The following SGF29 variants were observed in gnomAD, a reference collection of about 807,000 sequenced individuals.
The protein encoded by SGF29 is SAGA-associated factor 29.
In SGF29, 15 loss-of-function variants were observed where a neutral mutation model predicts 38.1. That is an observed-to-expected ratio of 0.39 (90% CI 0.26 to 0.61). The LOEUF (loss-of-function observed/expected upper bound fraction) is 0.61. Ranked by LOEUF, SGF29 falls within the 20% of genes least tolerant of loss-of-function variation. SGF29 has a pLI of 0.49. For missense variants in SGF29, 184 were observed against 394.6 expected (o/e 0.47, Z 4.52); for synonymous variants, 151 against 160.8 (o/e 0.94, Z 0.46).
chr16:28,585,664 G>C lies in SGF29; in HGVS notation c.168G>C (p.Arg56=). The change falls in exon 4 of 10, where the codon CGG becomes CGC. Residue 56 remains arginine (R), a synonymous_variant. Transcript: ENST00000317058. ...CCTCTGCAGTTTCTCCCTATTACCG[G>C]ACAAAGCTGCGTGGCCTCTACACAA... is the stretch of plus-strand genomic sequence containing the variant. ...QTENKISPYY[R]TKLRGLYTTA... The C allele has an allele frequency of 6.2e-7, 1 of 1,614,172 alleles. No homozygotes were observed. The highest frequency in any genetic ancestry group is 8.5e-7 in the Non-Finnish European group (1 of 1,180,034).
intron 1 of SGF29, among the ~76,000 whole-genome samples, chr16:28,563,866 G>A (rs2046804604): frequency 6.6e-6 from 1 of 151,852 alleles, no homozygotes; most frequent in Admixed American, 6.6e-5. Flanking sequence ...GACTGCAGGT[G>A]TTCCTGAGTA....
At chr16:28,585,743 A>T (rs1361578336) in intron 4 of SGF29, 23 bp downstream of exon 4, 1 of 1,610,136 alleles carries the variant, frequency 6.2e-7, no homozygotes, top group Non-Finnish European at 8.5e-7. Context: ...CACCCACTTC[A>T]TCGCCGCTCC....
rs549658659 is a variant in SGF29, at chr16:28,582,916, CAA to C, written c.75+1773_75+1774del. On this transcript the variant is annotated intron_variant, in intron 2 of 9. Transcript: ENST00000317058. ...CACCACTGCACTCCAGCCTGGGCGA[CAA>C]GAGCGAAACTCCGTCTCAAAAAAAT... 4.3e-3 allele frequency among the ~76,000 whole-genome samples: 662 copies of C among 152,190 alleles called. 4 individuals are homozygous for C. The highest frequency in any genetic ancestry group is 0.015 in the African/African-American group (639 of 41,490).
At chr16:28,589,186 G>T in intron 5 of SGF29, 22 bp downstream of exon 5, 1 of 1,613,604 alleles carries the variant, frequency 6.2e-7, no homozygotes, top group Non-Finnish European at 8.5e-7. Context: ...AGAACATGCT[G>T]GGAGGTCCTT....
intron 5 of SGF29, among the ~76,000 whole-genome samples, chr16:28,589,753 A>AT (rs750253427): frequency 6.6e-6 from 1 of 152,174 alleles, no homozygotes; most frequent in Non-Finnish European, 1.5e-5. Context: ...AAAAGTACAC[A>AT]TAAGTGCAGA....
intron 1 of SGF29, among the ~76,000 whole-genome samples, chr16:28,563,363 C>A (rs1015504384): frequency 1.3e-5 from 2 of 152,102 alleles, no homozygotes; most frequent in African/African-American, 4.8e-5. Context: ...CCAGGGATAG[C>A]AAGAGCTTAT....
intron 1 of SGF29, among the ~76,000 whole-genome samples, chr16:28,562,413 G>A (rs1049201435): frequency 2.6e-5 from 4 of 152,074 alleles, no homozygotes; most frequent in African/African-American, 9.7e-5. Context: ...GAACATGAAG[G>A]TCCAGTTCCT....
At chr16:28,570,117 G>A (rs2046856603) in intron 1 of SGF29, among the ~76,000 whole-genome samples, 1 of 152,162 alleles carries the variant, frequency 6.6e-6, no homozygotes, top group South Asian at 2.1e-4. Context: ...CCCCAGACTG[G>A]TAGAGCCACC....
chr16:28,556,154 AAT>A (rs2046749672), intron 1 of SGF29, among the ~76,000 whole-genome samples: 1 of 152,076 alleles, frequency 6.6e-6, no homozygotes, highest in South Asian at 2.1e-4. Context: ...CCAATTGATG[AAT>A]ATAGATTCTA....
intron 1 of SGF29, among the ~76,000 whole-genome samples, chr16:28,577,995 G>A (rs2046904806): frequency 6.6e-6 from 1 of 152,006 alleles, no homozygotes; most frequent in Non-Finnish European, 1.5e-5. Flanking sequence ...CTTGATTACT[G>A]TAGCTTTCTT....
intron 1 of SGF29, among the ~76,000 whole-genome samples, chr16:28,576,722 G>C (rs200271987): frequency 6.6e-6 from 1 of 151,920 alleles, no homozygotes; most frequent in East Asian, 1.9e-4. Context: ...CAAAGAAAAC[G>C]TGCCCACACA....
intron 1 of SGF29, among the ~76,000 whole-genome samples, chr16:28,557,317 T>C (rs1367317389): frequency 6.6e-6 from 1 of 152,226 alleles, no homozygotes; most frequent in Non-Finnish European, 1.5e-5. Flanking sequence ...GGGGTGTTTG[T>C]TGACTCTGTG....
At chr16:28,589,366 C>T (rs1382990303) in intron 5 of SGF29, 2 of 569,086 alleles carry the variant, frequency 3.5e-6, no homozygotes, top group South Asian at 4.0e-5. Flanking sequence ...CCAGTTCTCC[C>T]TCAGCAGCCA....
chr16:28,589,181 A>T lies in SGF29; in HGVS notation c.289+17A>T. 6.2e-7 allele frequency: 1 copy of T among 1,613,756 alleles called. No individual in the cohort carries two copies. The highest frequency in any genetic ancestry group is 8.5e-7 in the Non-Finnish European group (1 of 1,179,658). ...GGCGGATTGGTGAGTGGGAGAGAAC[A>T]TGCTGGGAGGTCCTTTGCTAGGACA... On this transcript the variant is annotated intron_variant, in intron 5 of 9. Coordinates refer to ENST00000317058, the MANE Select transcript of SGF29 (RefSeq NM_138414.3).
intron 1 of SGF29, among the ~76,000 whole-genome samples, chr16:28,556,845 C>T (rs900910101): frequency 7.2e-5 from 11 of 151,908 alleles, no homozygotes; most frequent in African/African-American, 2.4e-4. Flanking sequence ...ACAGGGCCTC[C>T]GTGTGTTGCC....
intron 1 of SGF29, among the ~76,000 whole-genome samples, chr16:28,555,711 A>C (rs192166784): frequency 6.6e-6 from 1 of 152,226 alleles, no homozygotes; most frequent in East Asian, 1.9e-4. Flanking sequence ...TTCACCAGCT[A>C]TCTGGGAATC....
chr16:28,554,862 T>C (rs1325362377), intron 1 of SGF29, among the ~76,000 whole-genome samples: 1 of 152,246 alleles, frequency 6.6e-6, no homozygotes, highest in East Asian at 1.9e-4. Context: ...GTCTCAGTCC[T>C]GTTCAGCATT....
intron 4 of SGF29, 60 bp from the exon 5 acceptor site, chr16:28,589,040 A>C: frequency 3.6e-5 from 57 of 1,579,266 alleles, no homozygotes; most frequent in Non-Finnish European, 4.4e-5. Flanking sequence ...AAAAAATGGA[A>C]GAGAAGTCTA....
intron 5 of SGF29, 138 bp downstream of exon 5, chr16:28,589,302 C>G (rs1434647141): frequency 7.4e-6 from 6 of 811,788 alleles, no homozygotes; most frequent in South Asian, 3.1e-5. Context: ...CAGACTGGCT[C>G]TACCACTGAG....
Sources: allele counts gnomAD v4.1 joint callset (sites outside exome capture counted in the v4.1 genomes callset), GRCh38; gene constraint gnomAD v4.1.1; transcripts MANE v1.5; gene names NCBI Gene and HGNC (gene_info 2026-07-23, HGNC 2026-07-21).